DHX32: variants seen among roughly 807,000 people sequenced by gnomAD.
DHX32 encodes DEAH-box helicase 32 (putative), also known as putative pre-mRNA-splicing factor ATP-dependent RNA helicase DHX32.
In DHX32, 51 loss-of-function variants were observed where a neutral mutation model predicts 70.0. The observed-to-expected ratio is 0.73, with a 90% CI of 0.58 to 0.92. The LOEUF is 0.92. Ranked by LOEUF, DHX32 falls within the 40% of genes least tolerant of loss-of-function variation. The pLI, the probability that DHX32 is intolerant of heterozygous loss-of-function variation, is 0.00. For synonymous variants in DHX32, 310 were observed against 315.3 expected (o/e 0.98, Z 0.18); for missense variants, 762 against 891.8 (o/e 0.85, Z 1.85).
intron 6 of DHX32, among the ~76,000 whole-genome samples, chr10:125,851,771 C>T (rs1192135908): frequency 2.0e-5 from 3 of 151,872 alleles, no homozygotes; most frequent in Non-Finnish European, 4.4e-5. Context: ...AGGAAATCTA[C>T]ATTAATAAGT....
chr10:125,879,855 G>A (rs1332547312), intron 1 of DHX32, among the ~76,000 whole-genome samples: 1 of 152,172 alleles, frequency 6.6e-6, no homozygotes, highest in East Asian at 1.9e-4. Context: ...TGTTGCCCAG[G>A]CTGGTCTTGA....
chr10:125,852,431 T>C lies in DHX32; in HGVS notation c.1213A>G (p.Thr405Ala), dbSNP rs1564826255. The change falls in exon 6 of 11, where the codon ACT becomes GCT. Residue 405 changes from threonine to alanine, a missense_variant. Physicochemically the swap from Thr to Ala is moderately conservative, Grantham distance 58. Coordinates refer to ENST00000284690, the MANE Select transcript of DHX32 (RefSeq NM_018180.3). ...SSSGKFFCLY[T>A]EEFASKDMTP... ...ATGTCTTTGGAGGCAAATTCTTCAG[T>C]GTACAGGCAGAAAAATTTTCCTAAA... 6.2e-7 allele frequency: 1 copy of C among 1,614,160 alleles called. No individual in the cohort carries two copies. Among genetic ancestry groups the C allele is most frequent in the Non-Finnish European group, 8.5e-7 (1 of 1,180,022 alleles).
At chr10:125,854,372 A>C in intron 3 of DHX32, 169 bp from the exon 4 acceptor site, 1 of 505,180 alleles carries the variant, frequency 2.0e-6, no homozygotes. Context: ...ATGCACCTAA[A>C]TGAGAAAACG....
At chr10:125,841,715 AAAG>A (rs769994781) in intron 7 of DHX32, 25 bp downstream of exon 7, 9 of 1,591,710 alleles carry the variant, frequency 5.7e-6, no homozygotes, top group Non-Finnish European at 7.7e-6. Flanking sequence ...ATTTGCAAAA[AAAG>A]AAAAGGAATA....
chr10:125,854,350 A>C (rs1449399890), intron 3 of DHX32, 147 bp from the exon 4 acceptor site: 1 of 661,064 alleles, frequency 1.5e-6, no homozygotes, highest in African/African-American at 1.9e-5. Flanking sequence ...ATGTATCTTT[A>C]AATAAGTAAA....
chr10:125,858,535 A>C (rs146443956), intron 3 of DHX32, among the ~76,000 whole-genome samples: 1 of 152,370 alleles, frequency 6.6e-6, no homozygotes, highest in African/African-American at 2.4e-5. Flanking sequence ...AGCCAGAAGG[A>C]GCTGTCATCC....
intron 1 of DHX32, among the ~76,000 whole-genome samples, chr10:125,869,999 A>G (rs772358592): frequency 2.7e-4 from 41 of 152,256 alleles, no homozygotes; most frequent in Non-Finnish European, 5.0e-4. Flanking sequence ...AATTATGCAT[A>G]GGAAGAAGAC....
chr10:125,886,936 T>C (rs1285457660), intron 1 of DHX32, among the ~76,000 whole-genome samples: 1 of 152,426 alleles, frequency 6.6e-6, no homozygotes, highest in African/African-American at 2.4e-5. Context: ...GATTATCTTT[T>C]CCCCATGTCT....
At chr10:125,861,614 C>T (rs1429005100) in intron 2 of DHX32, among the ~76,000 whole-genome samples, 1 of 152,148 alleles carries the variant, frequency 6.6e-6, no homozygotes, top group Non-Finnish European at 1.5e-5. Context: ...GGTGCCTCTA[C>T]GGCCAGCCCT....
chr10:125,838,483 C>T (rs1399521231), intron 9 of DHX32, 96 bp from the exon 10 acceptor site: 12 of 1,180,012 alleles, frequency 1.0e-5, no homozygotes, highest in South Asian at 3.6e-5. Flanking sequence ...GTATTTTATA[C>T]GGGATAGTTA....
rs749870663 is a variant in DHX32 at position 125,880,537 on chromosome 10, A to G, written c.282+6T>C. The G allele has an allele frequency of 1.6e-5, 25 of 1,581,934 alleles. No individual in the cohort carries two copies. The Middle Eastern group carries it at 5.1e-4, about 32-fold the overall frequency. On this transcript the variant is annotated splice_donor_region_variant and intron_variant, in intron 1 of 10. Transcript: ENST00000284690. ...CAGCAAATTATTTTTTGTAGTGGTT[A>G]CTCACCTGAGCGCTCTTACCACATT...
Position 125,839,110 on chromosome 10 carries a change from A to G in DHX32, c.1772T>C (p.Leu591Pro), listed in dbSNP as rs1854791959. Residue 591 changes from leucine (L) to proline (P), a missense_variant, in exon 9 of 11, where the codon CTC (leucine) becomes CCC (proline). Coordinates refer to ENST00000284690, the MANE Select transcript of DHX32 (RefSeq NM_018180.3). ...LRMADVIRAE[L>P]LEIIKRIELP... The stretch of plus-strand genomic sequence containing the variant: ...CTCGATTCGCTTGATAATTTCTAAG[A>G]GTTCAGCTCGAATAACATCTGCCAT... 6.2e-7 allele frequency: 1 copy of G among 1,614,248 alleles called. No individual in the cohort carries two copies.
intron 8 of DHX32, 64 bp from the exon 9 acceptor site, chr10:125,839,252 C>A: frequency 6.5e-7 from 1 of 1,535,698 alleles, no homozygotes; most frequent in South Asian, 1.2e-5. Context: ...AGAGCCCAGG[C>A]CAGGCAGTTG....
intron 9 of DHX32, 49 bp downstream of exon 9, chr10:125,838,952 A>G (rs765795235): frequency 1.7e-5 from 26 of 1,547,074 alleles, no homozygotes; most frequent in Non-Finnish European, 1.8e-6. Context: ...TATCCTGAGT[A>G]TGTGCAATTC....
intron 4 of DHX32, chr10:125,853,338 G>T: frequency 1.5e-6 from 1 of 646,878 alleles, no homozygotes; most frequent in Non-Finnish European, 2.4e-6. Context: ...TGTTAGTTTC[G>T]TTTGAGATCT....
At chr10:125,858,091 G>A (rs1176991635) in intron 3 of DHX32, among the ~76,000 whole-genome samples, 1 of 151,724 alleles carries the variant, frequency 6.6e-6, no homozygotes, top group East Asian at 1.9e-4. Flanking sequence ...TGTTGAGATA[G>A]GGTCCTGCTA....
chr10:125,865,388 T>G lies in DHX32; in HGVS notation c.476+1602A>C, dbSNP rs542978189. Among the ~76,000 whole-genome samples, 92 of 152,352 alleles carry G rather than the reference T, an allele frequency of 6.0e-4. 1 individual carries two copies. Among genetic ancestry groups the G allele is most frequent in the African/African-American group, 2.2e-3 (91 of 41,584 alleles). On this transcript the variant is annotated intron_variant, in intron 2 of 10. Transcript: ENST00000284690. ...TAATTGTTATAATAACAGAAGGTAA[T>G]ATATCTTCAAGAAGTTCAAGTCAGA...
At chr10:125,845,093 G>A (rs543895550) in intron 6 of DHX32, among the ~76,000 whole-genome samples, 44 of 152,316 alleles carry the variant, frequency 2.9e-4, no homozygotes, top group African/African-American at 1.0e-3. Flanking sequence ...AGGAGGAGCC[G>A]ATGCAGCGCT....
intron 6 of DHX32, chr10:125,842,818 C>T (rs1419247562): frequency 1.1e-6 from 1 of 943,328 alleles, no homozygotes; most frequent in Non-Finnish European, 1.3e-6. Flanking sequence ...TTCTCTCCAT[C>T]TCTTTATTTC....
Sources: gnomAD v4.1 joint callset for allele counts (sites outside exome capture counted in the v4.1 genomes callset) on GRCh38, gnomAD v4.1.1 for gene constraint, MANE v1.5 for transcripts, NCBI Gene and HGNC (gene_info 2026-07-23, HGNC 2026-07-21) for gene names.